Variants in HECW1 observed in about 807,000 individuals in gnomAD.
The protein encoded by HECW1 is HECT, C2 and WW domain containing E3 ubiquitin protein ligase 1.
Under a neutral mutation model 182.3 loss-of-function variants are expected in HECW1, and 61 were observed. The ratio of observed to expected loss-of-function variants is 0.33; its 90% CI spans 0.27 to 0.41. The LOEUF is 0.41. Among genes scored for constraint, HECW1 ranks in the 10% least tolerant of loss-of-function variants. HECW1 has a pLI of 1.00. For synonymous variants in HECW1, 859 were observed against 832.6 expected (o/e 1.03, Z -0.55); for missense variants, 1,739 against 2,108.9 (o/e 0.82, Z 3.44).
chr7:43,467,675 G>T (rs755615303), intron 15 of HECW1, among the ~76,000 whole-genome samples: 1 of 152,126 alleles, frequency 6.6e-6, no homozygotes, highest in Non-Finnish European at 1.5e-5. Context: ...CTAAGGAAGG[G>T]GTGGGAGCAT....
At chr7:43,174,020 T>C (rs1021446888) in intron 2 of HECW1, among the ~76,000 whole-genome samples, 11 of 152,118 alleles carry the variant, frequency 7.2e-5, no homozygotes, top group Admixed American at 3.3e-4. Flanking sequence ...TAAAATTTTC[T>C]TGTAGAGACA....
chr7:43,237,009 C>T (rs936735584), intron 2 of HECW1, among the ~76,000 whole-genome samples: 9 of 150,640 alleles, frequency 6.0e-5, no homozygotes, highest in Non-Finnish European at 1.2e-4. Flanking sequence ...ACTAACTATA[C>T]CCAATGATTA....
chr7:43,286,782 G>A (rs1453844296), intron 3 of HECW1, among the ~76,000 whole-genome samples: 1 of 152,136 alleles, frequency 6.6e-6, no homozygotes, highest in East Asian at 1.9e-4. Context: ...CATAGACTTT[G>A]AAAATTGTGG....
chr7:43,360,248 A>G (rs1296226057), intron 5 of HECW1, among the ~76,000 whole-genome samples: 3 of 147,966 alleles, frequency 2.0e-5, no homozygotes, highest in African/African-American at 2.5e-5. Flanking sequence ...GTCTCACCCT[A>G]TTACCCAGGC....
intron 5 of HECW1, among the ~76,000 whole-genome samples, chr7:43,354,531 A>G (rs1814865992): frequency 1.3e-5 from 2 of 152,214 alleles, no homozygotes; most frequent in African/African-American, 4.8e-5. Flanking sequence ...AAAATTTATT[A>G]CACGTTCTCA....
At position 43,425,883 on chromosome 7, in the gene HECW1, G is replaced by A. The variant is rs372479307; in HGVS notation, c.802-12120G>A. 6.6e-5 allele frequency among the ~76,000 whole-genome samples: 10 copies of A among 152,156 alleles called. No homozygotes were observed. The South Asian group carries it at 1.0e-3, about 16-fold the overall frequency. Reference sequence around the variant, plus strand: ...CAGTTAAATTTCAACATGAGTTTTCGTAGGGATATTCAAGCCACCGCAGAG... The same window carrying A: ...CAGTTAAATTTCAACATGAGTTTTCATAGGGATATTCAAGCCACCGCAGAG... On this transcript the variant is annotated intron_variant, in intron 8 of 29. Coordinates refer to ENST00000395891, the MANE Select transcript of HECW1 (RefSeq NM_015052.5).
chr7:43,482,054 G>T (rs1208568157), intron 17 of HECW1, among the ~76,000 whole-genome samples: 2 of 150,800 alleles, frequency 1.3e-5, no homozygotes, highest in African/African-American at 2.4e-5. Context: ...CCAGCCATCT[G>T]TCTGCTTCCT....
At chr7:43,371,361 G>C (rs983035983) in intron 6 of HECW1, among the ~76,000 whole-genome samples, 1 of 152,194 alleles carries the variant, frequency 6.6e-6, no homozygotes, top group African/African-American at 2.4e-5. Context: ...CTCTTATGTG[G>C]AACGTTGGTA....
At chr7:43,352,138 A>C (rs1814554050) in intron 5 of HECW1, among the ~76,000 whole-genome samples, 1 of 152,134 alleles carries the variant, frequency 6.6e-6, no homozygotes, top group Non-Finnish European at 1.5e-5. Context: ...CTGAGTTTTC[A>C]TGTTCTGTAT....
chr7:43,494,136 C>T (rs1304072766), intron 19 of HECW1, among the ~76,000 whole-genome samples: 1 of 152,104 alleles, frequency 6.6e-6, no homozygotes, highest in Non-Finnish European at 1.5e-5. Context: ...CAGAATGGAT[C>T]ATTCACTATT....
chr7:43,315,142 C>A (rs1809045010), intron 4 of HECW1, among the ~76,000 whole-genome samples: 2 of 152,172 alleles, frequency 1.3e-5, no homozygotes, highest in African/African-American at 4.8e-5. Context: ...GGGGAAGATA[C>A]CTGGATGTAG....
At chr7:43,279,946 C>T (rs1422605879) in intron 3 of HECW1, among the ~76,000 whole-genome samples, 2 of 152,170 alleles carry the variant, frequency 1.3e-5, no homozygotes. Flanking sequence ...GGGAACTCTT[C>T]TGAGTTAGAC....
At chr7:43,153,992 G>T (rs1299828443) in intron 2 of HECW1, among the ~76,000 whole-genome samples, 1 of 152,038 alleles carries the variant, frequency 6.6e-6, no homozygotes, top group Non-Finnish European at 1.5e-5. Context: ...TCTCTTTGGA[G>T]ATGTAGCCTT....
At chr7:43,536,799 C>T (rs1164425178) in intron 24 of HECW1, among the ~76,000 whole-genome samples, 1 of 151,978 alleles carries the variant, frequency 6.6e-6, no homozygotes, top group East Asian at 1.9e-4. Flanking sequence ...TCAAAAGAGT[C>T]CCTGTAAACT....
intron 8 of HECW1, among the ~76,000 whole-genome samples, chr7:43,419,616 A>T (rs997537276): frequency 6.6e-6 from 1 of 152,216 alleles, no homozygotes; most frequent in Non-Finnish European, 1.5e-5. Context: ...AATCATGTTT[A>T]TCTCCATAGA....
intron 2 of HECW1, among the ~76,000 whole-genome samples, chr7:43,212,810 A>G (rs1796114519): frequency 6.6e-6 from 1 of 152,176 alleles, no homozygotes; most frequent in Admixed American, 6.5e-5. Context: ...ACATTAACAC[A>G]TTTATCTGGA....
At chr7:43,503,036 T>C (rs182175780) in intron 21 of HECW1, among the ~76,000 whole-genome samples, 1 of 152,296 alleles carries the variant, frequency 6.6e-6, no homozygotes, top group East Asian at 1.9e-4. Context: ...TTCCTCCAAG[T>C]TGTAGCATTC....
Position 43,467,591 on chromosome 7 carries a change from G to A in HECW1, c.2913+1023G>A, listed in dbSNP as rs12668163. 3.1e-3 allele frequency among the ~76,000 whole-genome samples: 477 copies of A among 152,146 alleles called. 2 individuals are homozygous for A. The highest frequency in any genetic ancestry group is 0.011 in the African/African-American group (464 of 41,506). On this transcript the variant is annotated intron_variant, in intron 15 of 29. Coordinates refer to ENST00000395891, the MANE Select transcript of HECW1 (RefSeq NM_015052.5). ...GATGCATTTTCTCTGGCAGAGTGTCGGGGAGAGACTGAGCTGAGGGGGTTA... is the reference window on the plus strand; with the variant it reads ...GATGCATTTTCTCTGGCAGAGTGTCAGGGAGAGACTGAGCTGAGGGGGTTA...
At chr7:43,192,083 C>A (rs1226103041) in intron 2 of HECW1, among the ~76,000 whole-genome samples, 1 of 152,058 alleles carries the variant, frequency 6.6e-6, no homozygotes, top group Non-Finnish European at 1.5e-5. Context: ...CCTCAGCCTC[C>A]TGAGTAGCTG....
Sources: allele counts gnomAD v4.1 joint callset (sites outside exome capture counted in the v4.1 genomes callset), GRCh38; gene constraint gnomAD v4.1.1; transcripts MANE v1.5; gene names NCBI Gene and HGNC (gene_info 2026-07-23, HGNC 2026-07-21).